TTLL8: variants seen among roughly 807,000 people sequenced by gnomAD.
TTLL8 encodes the protein protein monoglycylase TTLL8.
Under a neutral mutation model 77.8 loss-of-function variants are expected in TTLL8, and 65 were observed. The ratio of observed to expected loss-of-function variants is 0.84; its 90% CI spans 0.68 to 1.03. TTLL8 has a LOEUF of 1.03. Ranked by LOEUF, TTLL8 falls within the 50% of genes least tolerant of loss-of-function variation. TTLL8 has a pLI of 0.00. For synonymous variants in TTLL8, 402 were observed against 422.8 expected (o/e 0.95, Z 0.60); for missense variants, 910 against 1,004.5 (o/e 0.91, Z 1.27).
At chr22:50,051,061 C>G (rs1410436729) in intron 1 of TTLL8, among the ~76,000 whole-genome samples, 1 of 152,198 alleles carries the variant, frequency 6.6e-6, no homozygotes, top group Non-Finnish European at 1.5e-5. Context: ...GGGGTTTCAT[C>G]ATGTTGGCCA....
intron 12 of TTLL8, chr22:50,030,127 G>A: frequency 1.0e-6 from 1 of 972,742 alleles, no homozygotes; most frequent in Admixed American, 6.1e-5. Context: ...CCTCCGACCC[G>A]CGCCACACCC....
At chr22:50,023,255 G>GA (rs960169000) in intron 12 of TTLL8, among the ~76,000 whole-genome samples, 1 of 152,074 alleles carries the variant, frequency 6.6e-6, no homozygotes, top group African/African-American at 2.4e-5. Context: ...TGGAGAAACT[G>GA]AAAAAAACCT....
At chr22:50,042,842 C>T (rs188225544) in intron 6 of TTLL8, among the ~76,000 whole-genome samples, 174 of 152,278 alleles carry the variant, frequency 1.1e-3, no homozygotes, top group Non-Finnish European at 2.1e-3. Context: ...CCACATCAGA[C>T]GCTGGCGAGG....
exon 12 of TTLL8, chr22:50,030,440 G>C (rs1395269244): frequency 8.3e-6 from 11 of 1,332,362 alleles, no homozygotes; most frequent in South Asian, 1.2e-5. Context: ...CTTTTCCTCC[G>C]GGCGGCGGAC....
chr22:50,045,537 G>A (rs1434597793), intron 5 of TTLL8, 148 bp from the exon 8 acceptor site: 2 of 703,538 alleles, frequency 2.8e-6, no homozygotes, highest in South Asian at 3.3e-5. Context: ...CCCCCAGTCT[G>A]CCTGCCCTTC....
At chr22:50,028,509 G>C (rs1306115574) in intron 12 of TTLL8, among the ~76,000 whole-genome samples, 1 of 152,138 alleles carries the variant, frequency 6.6e-6, no homozygotes, top group Non-Finnish European at 1.5e-5. Context: ...ATCTCCGTGA[G>C]TGGGTCCCAG....
chr22:50,054,780 A>T (rs1569235713), upstream of TTLL8, among the ~76,000 whole-genome samples: 1 of 152,226 alleles, frequency 6.6e-6, no homozygotes, highest in African/African-American at 2.4e-5. Context: ...TCTCCAGGCT[A>T]GGCGCAGTCA....
intron 8 of TTLL8, among the ~76,000 whole-genome samples, chr22:50,035,220 G>A (rs1442811828): frequency 7.9e-5 from 12 of 152,180 alleles, no homozygotes; most frequent in Non-Finnish European, 1.8e-4. Context: ...ACCCCATGAC[G>A]TCCTGACAAG....
intron 6 of TTLL8, among the ~76,000 whole-genome samples, chr22:50,042,043 C>T (rs1481346373): frequency 2.0e-5 from 3 of 152,350 alleles, no homozygotes; most frequent in East Asian, 1.9e-4. Context: ...CCCTCCTGAA[C>T]GGTCCCAACC....
At chr22:50,057,374 GGA>G (rs1489368131), upstream of TTLL8, among the ~76,000 whole-genome samples, 389 of 103,522 alleles carry the variant, frequency 3.8e-3, no homozygotes, top group East Asian at 4.7e-3. Flanking sequence ...CTGGGTTGGG[GGA>G]TCAGGTCTGG....
chr22:50,033,345 C>G (rs2146653194), exon 10 of TTLL8: 3 of 1,365,416 alleles, frequency 2.2e-6, no homozygotes, highest in South Asian at 2.3e-5. Context: ...GCAGCGGCGT[C>G]TCGATGTACT....
chr22:50,033,546 G>A (rs1010084859), intron 9 of TTLL8, 101 bp from the exon 11 acceptor site: 4 of 1,091,796 alleles, frequency 3.7e-6, no homozygotes, highest in Non-Finnish European at 4.9e-6. Context: ...CCTGAGACCT[G>A]CACTGGCTTT....
Position 50,047,187 on chromosome 22 carries a change from G to A in TTLL8, c.374C>T (p.Thr125Ile). ...GCTCACCTTGGTGGTGAAGGAGGCT[G>A]TCTTTGCGTAGTGGTTCAGCATCTG... Residue 125 changes from threonine (T) to isoleucine (I), a missense_variant, in exon 4 of 14, where the codon ACA (threonine) becomes ATA (isoleucine). Physicochemically the swap from Thr to Ile is moderately conservative, Grantham distance 89. Around this residue, in one of 2 missense-constraint regions of TTLL8, gnomAD observed 776 missense variants for 926.1 expected, o/e 0.84. Transcript: ENST00000266182. 2.9e-6 allele frequency: 4 copies of A among 1,367,558 alleles called. No individual in the cohort carries two copies. In the South Asian group the frequency reaches 4.5e-5, roughly 16 times the overall value. 84.7% of individuals were successfully genotyped at this position (1,367,558 alleles called of 1,614,324 possible).
At chr22:50,055,655 CAAA>C (rs144375344), upstream of TTLL8, among the ~76,000 whole-genome samples, 184 of 110,478 alleles carry the variant, frequency 1.7e-3, 1 homozygote, top group African/African-American at 2.5e-3. Flanking sequence ...AACTCTGTCT[CAAA>C]AAAAAAAAAA....
At chr22:50,046,184 G>A (rs1488265596) in intron 4 of TTLL8, among the ~76,000 whole-genome samples, 1 of 152,212 alleles carries the variant, frequency 6.6e-6, no homozygotes, top group Non-Finnish European at 1.5e-5. Flanking sequence ...GTGCAGGCCA[G>A]GCTCAGACGC....
exon 10 of TTLL8, chr22:50,033,288 C>G (rs1010034065): frequency 7.3e-7 from 1 of 1,363,110 alleles, no homozygotes; most frequent in African/African-American, 1.5e-5. Flanking sequence ...GGTTCCAGTC[C>G]GTGACGAGGA....
chr22:50,031,785 C>A (rs761497321), exon 11 of TTLL8: 2 of 1,366,508 alleles, frequency 1.5e-6, no homozygotes, highest in South Asian at 1.1e-5. Flanking sequence ...GGGCCGTGAC[C>A]GGCGTGGACG....
At chr22:50,042,558 T>C (rs1001477576) in intron 6 of TTLL8, among the ~76,000 whole-genome samples, 6 of 152,186 alleles carry the variant, frequency 3.9e-5, no homozygotes. Context: ...TATGAACACA[T>C]GCTCAACATC....
upstream of TTLL8, chr22:50,055,128 C>CG (rs1050684537): frequency 2.0e-5 from 24 of 1,198,074 alleles, no homozygotes; most frequent in African/African-American, 3.5e-4. Context: ...GGCTGCAGCT[C>CG]GGGGGCACAG....
Sources: allele counts gnomAD v4.1 joint callset (sites outside exome capture counted in the v4.1 genomes callset), GRCh38; gene constraint gnomAD v4.1.1; regional missense constraint gnomAD v4.1.1; transcripts MANE v1.5; gene names NCBI Gene and HGNC (gene_info 2026-07-23, HGNC 2026-07-21).